SNTG2: variants seen among roughly 807,000 people sequenced by gnomAD.
The protein encoded by SNTG2 is gamma-2-syntrophin.
Under a neutral mutation model 70.9 loss-of-function variants are expected in SNTG2, and 74 were observed. The observed-to-expected ratio is 1.04, with a 90% confidence interval of 0.86 to 1.27. The LOEUF is 1.27. SNTG2 is among the 50% of genes most tolerant of loss of function. The pLI is 0.00. For missense variants in SNTG2, 717 were observed against 690.7 expected (o/e 1.04, Z -0.43); for synonymous variants, 278 against 273.8 (o/e 1.02, Z -0.15).
chr2:1,113,528 T>A (rs1314514184), intron 4 of SNTG2, among the ~76,000 whole-genome samples: 1 of 150,692 alleles, frequency 6.6e-6, no homozygotes, highest in Non-Finnish European at 1.5e-5. Context: ...GGATTGTGTG[T>A]ACTGAGGTTT....
intron 9 of SNTG2, among the ~76,000 whole-genome samples, chr2:1,215,550 C>CTTTTTTTTTTTTTTTTTT (rs11462408): frequency 6.6e-6 from 1 of 150,824 alleles, no homozygotes; most frequent in African/African-American, 2.4e-5. Flanking sequence ...TCTTTTTTTT[C>CTTTTTTTTTTTTTTTTTT]TTTTTTTTCT....
At chr2:1,002,269 T>G (rs1482554358) in intron 1 of SNTG2, among the ~76,000 whole-genome samples, 2 of 151,990 alleles carry the variant, frequency 1.3e-5, no homozygotes, top group African/African-American at 4.8e-5. Flanking sequence ...CAAATTGAAC[T>G]AAAATGCTTC....
chr2:1,099,753 C>G (rs1488176417), intron 4 of SNTG2, among the ~76,000 whole-genome samples: 1 of 146,746 alleles, frequency 6.8e-6, no homozygotes, highest in Non-Finnish European at 1.5e-5. Context: ...CAGAGATTGC[C>G]CCAGTGGGAT....
rs1292930305 is a variant in SNTG2 at position 1,221,961 on chromosome 2, C to A, written c.719+12731C>A. On this transcript the variant is annotated intron_variant, in intron 9 of 16. Transcript: ENST00000308624. ...TCTCTGTCTGTCTCTGTCTCTGTCT[C>A]TCTCTGTCTCTGTCTCTGTCTCTCT... Among the ~76,000 whole-genome samples, 45 of 40,660 alleles carry A rather than the reference C, an allele frequency of 1.1e-3. 17 individuals are homozygous for A. Among genetic ancestry groups the A allele is most frequent in the African/African-American group, 8.0e-3 (41 of 5,152 alleles). 26.7% of individuals were successfully genotyped at this position (40,660 alleles called of 152,430 possible).
chr2:1,106,454 G>T, intron 4 of SNTG2, among the ~76,000 whole-genome samples: 1 of 119,136 alleles, frequency 8.4e-6, no homozygotes, highest in African/African-American at 3.3e-5. Context: ...TGTCACTCGG[G>T]TGCAGGGTAT....
Position 1,247,376 on chromosome 2 carries a change from C to T in SNTG2, c.938C>T (p.Ser313Phe). Reference protein sequence around the residue: ...VNEKLQGADSSQTFRPKFLAL... With the variant: ...VNEKLQGADSFQTFRPKFLAL... ...GAGAAACTCCAAGGAGCTGACTCCT[C>T]TCAAACCTTCAGACCCAAGTTCCTA... The change falls in exon 12 of 17, where the codon TCT becomes TTT. Residue 313 changes from serine (S) to phenylalanine (F), a missense_variant. Ser to Phe is a radical substitution (Grantham distance 155). Coordinates refer to ENST00000308624, the MANE Select transcript of SNTG2 (RefSeq NM_018968.4). 6.2e-7 allele frequency: 1 copy of T among 1,613,964 alleles called. No individual in the cohort carries two copies. Among genetic ancestry groups the T allele is most frequent in the Non-Finnish European group, 8.5e-7 (1 of 1,179,874 alleles).
chr2:966,411 T>C (rs1259934538), intron 1 of SNTG2, among the ~76,000 whole-genome samples: 1 of 152,132 alleles, frequency 6.6e-6, no homozygotes, highest in Non-Finnish European at 1.5e-5. Flanking sequence ...TTCTTGTGTT[T>C]TGGATAATTT....
chr2:1,223,304 G>C, intron 9 of SNTG2, among the ~76,000 whole-genome samples: 1 of 150,152 alleles, frequency 6.7e-6, no homozygotes, highest in Non-Finnish European at 1.5e-5. Context: ...TGCTGCTGGA[G>C]GTGCTGGATC....
intron 1 of SNTG2, among the ~76,000 whole-genome samples, chr2:985,232 A>C (rs978093051): frequency 2.6e-5 from 4 of 152,142 alleles, no homozygotes; most frequent in Non-Finnish European, 4.4e-5. Flanking sequence ...ATCGGGTTCC[A>C]TCAAAGAAAA....
At position 1,355,267 on chromosome 2, in the gene SNTG2, G is replaced by A. The variant is rs867028918; in HGVS notation, c.1489-12076G>A. ...AGGTGAAGAGTTCAGCCGTGTTAAC[G>A]ACATCCACGTTGCTGTGCAGCTGAT... On this transcript the variant is annotated intron_variant, in intron 16 of 16. Coordinates refer to ENST00000308624, the MANE Select transcript of SNTG2 (RefSeq NM_018968.4). Among the ~76,000 whole-genome samples the A allele has an allele frequency of 2.4e-4, 37 of 152,272 alleles. No homozygotes were observed. In the Middle Eastern group the frequency reaches 0.01, roughly 42 times the overall value.
intron 1 of SNTG2, among the ~76,000 whole-genome samples, chr2:962,648 G>A (rs1369876911): frequency 6.6e-6 from 1 of 152,168 alleles, no homozygotes; most frequent in African/African-American, 2.4e-5. Flanking sequence ...GTTATGCTGA[G>A]TTTTCACTTC....
At chr2:1,309,148 T>C (rs1680855482) in intron 15 of SNTG2, among the ~76,000 whole-genome samples, 1 of 152,164 alleles carries the variant, frequency 6.6e-6, no homozygotes, top group Non-Finnish European at 1.5e-5. Context: ...AAATGGAAAG[T>C]GTTGGTAAGA....
chr2:970,730 C>T (rs866699433), intron 1 of SNTG2, among the ~76,000 whole-genome samples: 20 of 150,256 alleles, frequency 1.3e-4, no homozygotes, highest in African/African-American at 2.7e-4. Flanking sequence ...AATAAACATA[C>T]GTGTGCATGT....
At chr2:1,157,280 T>C (rs901645758) in intron 6 of SNTG2, among the ~76,000 whole-genome samples, 1 of 152,192 alleles carries the variant, frequency 6.6e-6, no homozygotes, top group Non-Finnish European at 1.5e-5. Flanking sequence ...CTGCCCTGGC[T>C]CTACCCCTGA....
intron 6 of SNTG2, among the ~76,000 whole-genome samples, chr2:1,138,090 A>T (rs1668509957): frequency 6.6e-6 from 1 of 152,232 alleles, no homozygotes; most frequent in South Asian, 2.1e-4. Flanking sequence ...ACTGGAACTC[A>T]GGGAGCAGGT....
At chr2:973,520 A>G (rs1171809175) in intron 1 of SNTG2, among the ~76,000 whole-genome samples, 1 of 147,904 alleles carries the variant, frequency 6.8e-6, no homozygotes, top group Non-Finnish European at 1.5e-5. Context: ...GTGTGTGTGT[A>G]TATACATGTA....
intron 1 of SNTG2, among the ~76,000 whole-genome samples, chr2:1,069,915 A>G (rs1222314398): frequency 6.6e-6 from 1 of 152,066 alleles, no homozygotes; most frequent in Non-Finnish European, 1.5e-5. Flanking sequence ...TCACCCAGGA[A>G]TCCCGGGAAG....
At chr2:1,076,080 G>C (rs965943455) in intron 1 of SNTG2, among the ~76,000 whole-genome samples, 2 of 152,198 alleles carry the variant, frequency 1.3e-5, no homozygotes, top group African/African-American at 4.8e-5. Flanking sequence ...TTCTACATAT[G>C]ACTAAAGTCA....
At chr2:1,219,825 A>T (rs1241852604) in intron 9 of SNTG2, 4 of 152,092 alleles carry the variant, frequency 2.6e-5, no homozygotes, top group Non-Finnish European at 4.4e-5. Context: ...CATGTTTTTT[A>T]AAAATACAAT....
Sources: allele counts gnomAD v4.1 joint callset (sites outside exome capture counted in the v4.1 genomes callset), GRCh38; gene constraint gnomAD v4.1.1; transcripts MANE v1.5; gene names NCBI Gene and HGNC (gene_info 2026-07-23, HGNC 2026-07-21).